Variants in SMYD3 observed in about 807,000 individuals in gnomAD.
SMYD3 encodes the protein histone-lysine N-methyltransferase SMYD3.
A neutral mutation model predicts 57.7 loss-of-function variants in SMYD3; 36 were observed. The ratio of observed to expected loss-of-function variants is 0.62; its 90% CI spans 0.48 to 0.82. The LOEUF is 0.82. SMYD3 is among the 40% of genes least tolerant of loss of function. SMYD3 has a pLI of 0.00. For synonymous variants in SMYD3, 211 were observed against 195.0 expected, an observed-to-expected ratio of 1.08 and a Z score of -0.68; for missense variants, 515 against 538.8, an observed-to-expected ratio of 0.96 and a Z score of 0.44.
intron 5 of SMYD3, among the ~76,000 whole-genome samples, chr1:246,091,355 A>C (rs1327534359): frequency 6.6e-6 from 1 of 152,182 alleles, no homozygotes; most frequent in Non-Finnish European, 1.5e-5. Flanking sequence ...TGTGGGCAAC[A>C]GGATTCCAAC....
intron 5 of SMYD3, among the ~76,000 whole-genome samples, chr1:246,139,263 T>C (rs1031431853): frequency 1.3e-5 from 2 of 152,230 alleles, no homozygotes; most frequent in Non-Finnish European, 2.9e-5. Context: ...AAAATGTTTA[T>C]AAAATATATC....
rs1434053575 is a variant in SMYD3 at position 245,793,084 on chromosome 1, G to A, written c.1077-28935C>T. Reference sequence around the variant, plus strand: ...CCAGCACTTTGGGAGGCCGAGGCGGGTGATCACGAAATCAGGAGATCAAGA... The same window carrying A: ...CCAGCACTTTGGGAGGCCGAGGCGGATGATCACGAAATCAGGAGATCAAGA... On this transcript the variant is annotated intron_variant, in intron 10 of 11. Transcript: ENST00000490107. Among the ~76,000 whole-genome samples the A allele has an allele frequency of 4.4e-4, 64 of 146,566 alleles. 1 individual carries two copies. In the South Asian group the frequency reaches 0.012, roughly 27 times the overall value.
intron 5 of SMYD3, among the ~76,000 whole-genome samples, chr1:245,998,858 C>A (rs1236214930): frequency 6.6e-6 from 1 of 152,016 alleles, no homozygotes; most frequent in Non-Finnish European, 1.5e-5. Context: ...CACAGACAAA[C>A]CTTGAAGAGA....
chr1:246,265,771 A>G (rs542618201), intron 5 of SMYD3, among the ~76,000 whole-genome samples: 34 of 152,304 alleles, frequency 2.2e-4, no homozygotes, highest in Non-Finnish European at 3.5e-4. Flanking sequence ...ATCTTTTTGA[A>G]CCAACGGATC....
At chr1:245,822,288 A>G (rs920333886) in intron 10 of SMYD3, among the ~76,000 whole-genome samples, 10 of 151,032 alleles carry the variant, frequency 6.6e-5, no homozygotes, top group African/African-American at 2.2e-4. Flanking sequence ...TCAGTAAACT[A>G]TCGCAAGAAC....
intron 8 of SMYD3, among the ~76,000 whole-genome samples, chr1:245,910,702 A>G (rs908939540): frequency 3.9e-5 from 6 of 152,066 alleles, no homozygotes; most frequent in South Asian, 2.1e-4. Flanking sequence ...CCCATATGCA[A>G]AAGAATAAAA....
intron 1 of SMYD3, among the ~76,000 whole-genome samples, chr1:246,470,779 T>C (rs989149602): frequency 5.3e-5 from 8 of 151,970 alleles, no homozygotes; most frequent in Admixed American, 2.6e-4. Context: ...AAGGACATTA[T>C]TGCAACATCG....
chr1:245,805,551 A>G (rs895605781), intron 10 of SMYD3, among the ~76,000 whole-genome samples: 2 of 152,218 alleles, frequency 1.3e-5, no homozygotes, highest in African/African-American at 4.8e-5. Context: ...TCCTGCATAA[A>G]TTCTGCTCTT....
At position 246,130,470 on chromosome 1, in the gene SMYD3, C is replaced by T. The variant is rs146166206; in HGVS notation, c.531+196731G>A. Among the ~76,000 whole-genome samples the T allele has an allele frequency of 7.7e-4, 117 of 152,114 alleles. 1 individual carries two copies. Among genetic ancestry groups the T allele is most frequent in the African/African-American group, 2.7e-3 (113 of 41,556 alleles). On this transcript the variant is annotated intron_variant, in intron 5 of 11. Transcript: ENST00000490107. ...ATGCTGATTCTTATAGAGTGACTAC[C>T]CTTTTAAAATTAAAAACTGCATCAG...
At chr1:246,171,677 T>C (rs1411936597) in intron 5 of SMYD3, among the ~76,000 whole-genome samples, 3 of 152,188 alleles carry the variant, frequency 2.0e-5, no homozygotes, top group African/African-American at 7.2e-5. Context: ...TAGGTATTTA[T>C]GTATCTACAC....
chr1:245,785,626 C>T (rs2047003271), intron 10 of SMYD3, among the ~76,000 whole-genome samples: 2 of 151,212 alleles, frequency 1.3e-5, no homozygotes, highest in South Asian at 4.2e-4. Flanking sequence ...GGCACCTCTC[C>T]CCCAGAGAGA....
chr1:246,065,582 G>T (rs188394376), intron 5 of SMYD3, among the ~76,000 whole-genome samples: 94 of 152,300 alleles, frequency 6.2e-4, no homozygotes, highest in African/African-American at 2.0e-3. Context: ...GTATAAACAT[G>T]CAATCCTCTT....
chr1:246,317,011 A>G (rs968347204), intron 5 of SMYD3, among the ~76,000 whole-genome samples: 3 of 151,630 alleles, frequency 2.0e-5, no homozygotes, highest in Admixed American at 2.0e-4. Context: ...AAATAAATAA[A>G]TAAAATAAAA....
At chr1:245,774,664 C>T (rs3000197) in intron 10 of SMYD3, among the ~76,000 whole-genome samples, 1 of 129,926 alleles carries the variant, frequency 7.7e-6, no homozygotes, top group African/African-American at 2.7e-5. Context: ...CTCTTTCCAC[C>T]GTCTCCCTCT....
At chr1:246,487,215 A>AG (rs11429650) in intron 1 of SMYD3, among the ~76,000 whole-genome samples, 149,797 of 152,350 alleles carry the variant, frequency 0.98, 73,659 homozygotes, top group East Asian at 1. Context: ...TGGGAGGCCA[A>AG]GCGAGTGGAT....
At chr1:246,284,011 CATGA>C (rs1218761064) in intron 5 of SMYD3, among the ~76,000 whole-genome samples, 1 of 152,174 alleles carries the variant, frequency 6.6e-6, no homozygotes, top group Non-Finnish European at 1.5e-5. Flanking sequence ...GTAAATTACT[CATGA>C]AAGAAGAACT....
At chr1:246,095,135 T>A (rs1259487569) in intron 5 of SMYD3, among the ~76,000 whole-genome samples, 1 of 152,184 alleles carries the variant, frequency 6.6e-6, no homozygotes, top group African/African-American at 2.4e-5. Context: ...TGCCCAGCAC[T>A]GGAATGTGTT....
At chr1:246,154,177 T>C (rs2061986335) in intron 5 of SMYD3, among the ~76,000 whole-genome samples, 1 of 152,182 alleles carries the variant, frequency 6.6e-6, no homozygotes, top group African/African-American at 2.4e-5. Flanking sequence ...AACGAATCAA[T>C]GGAAATAATA....
intron 1 of SMYD3, among the ~76,000 whole-genome samples, chr1:246,397,845 G>A (rs1017371765): frequency 6.6e-6 from 1 of 151,894 alleles, no homozygotes; most frequent in Non-Finnish European, 1.5e-5. Flanking sequence ...AAATCATAGG[G>A]GTGTAGAAAA....
Sources: allele counts gnomAD v4.1 joint callset (sites outside exome capture counted in the v4.1 genomes callset), GRCh38; gene constraint gnomAD v4.1.1; transcripts MANE v1.5; gene names NCBI Gene and HGNC (gene_info 2026-07-23, HGNC 2026-07-21).